The following DHDDS variants were observed in gnomAD, a reference collection of about 807,000 sequenced individuals.
The protein encoded by DHDDS is dehydrodolichyl diphosphate synthase complex subunit DHDDS.
A neutral mutation model predicts 46.2 loss-of-function variants in DHDDS; 16 were observed. The observed-to-expected ratio is 0.35, with a 90% CI of 0.23 to 0.53. DHDDS has a LOEUF of 0.53. Ranked by LOEUF, DHDDS falls within the 20% of genes least tolerant of loss-of-function variation. The pLI, the probability that DHDDS is intolerant of heterozygous loss-of-function variation, is 0.94. For missense variants in DHDDS, 340 were observed against 423.7 expected, an observed-to-expected ratio of 0.80 and a Z score of 1.73; for synonymous variants, 151 against 163.1, an observed-to-expected ratio of 0.93 and a Z score of 0.56.
chr1:26,458,113 C>CT (rs940268969), intron 7 of DHDDS, among the ~76,000 whole-genome samples: 11 of 152,208 alleles, frequency 7.2e-5, no homozygotes, highest in African/African-American at 2.7e-4. Context: ...GCGAATCCAA[C>CT]TATAGTGAAA....
intron 6 of DHDDS, among the ~76,000 whole-genome samples, chr1:26,455,407 C>T (rs190293053): frequency 1.7e-3 from 255 of 152,120 alleles, no homozygotes; most frequent in Non-Finnish European, 2.7e-3. Flanking sequence ...GATGATGATA[C>T]GGAAAAGAAA....
At chr1:26,462,849 C>T (rs565206282) in intron 8 of DHDDS, 1 of 152,324 alleles carries the variant, frequency 6.6e-6, no homozygotes, top group Non-Finnish European at 1.5e-5. Flanking sequence ...GACAAGATCT[C>T]TACCTTTGTG....
chr1:26,447,650 T>C lies in DHDDS; in HGVS notation c.532T>C (p.Leu178=), dbSNP rs1419612896. The change falls in exon 6 of 9, where the codon TTG becomes CTG. Residue 178 remains leucine (L), a synonymous_variant. Coordinates refer to ENST00000236342, the MANE Select transcript of DHDDS (RefSeq NM_205861.3). The part of the protein sequence containing the change: ...EMAWGVEQGL[L]DPSDISESLL... ...GGCCTGGGGGGTGGAGCAAGGCCTGTTGGATCCCAGGTATCCCGAGTTGTT... is the reference window on the plus strand; with the variant it reads ...GGCCTGGGGGGTGGAGCAAGGCCTGCTGGATCCCAGGTATCCCGAGTTGTT... 2 of 1,613,890 alleles carry C rather than the reference T, an allele frequency of 1.2e-6. No homozygotes were observed. Among genetic ancestry groups the C allele is most frequent in the Non-Finnish European group, 1.7e-6 (2 of 1,179,876 alleles).
At chr1:26,456,564 T>G (rs1191374917) in intron 6 of DHDDS, among the ~76,000 whole-genome samples, 1 of 152,104 alleles carries the variant, frequency 6.6e-6, no homozygotes, top group Non-Finnish European at 1.5e-5. Context: ...AGCTAATTTT[T>G]GTACTTTTGG....
intron 4 of DHDDS, among the ~76,000 whole-genome samples, chr1:26,443,465 C>G (rs932308270): frequency 6.6e-6 from 1 of 152,206 alleles, no homozygotes. Context: ...CCATTCTTAG[C>G]TGTCAGTAAG....
rs998074701 is a variant in DHDDS at position 26,470,476 on chromosome 1, C to T, written c.*1345C>T. ...ATTTTACTTTCTGCAAGCTGTTTCC[C>T]TAGCAGCTCCCTCTAGGGGAGAGGT... On this transcript the variant is annotated 3_prime_UTR_variant, in exon 9 of 9. Coordinates refer to ENST00000236342, the MANE Select transcript of DHDDS (RefSeq NM_205861.3). The T allele has an allele frequency of 2.6e-5, 4 of 152,086 alleles. No homozygotes were observed. The highest frequency in any genetic ancestry group is 9.7e-5 in the African/African-American group (4 of 41,390). The allele number at this position is 152,086 out of a possible 1,614,324, so 9.4% of individuals were successfully genotyped here.
At chr1:26,448,711 G>A (rs1019799838) in intron 6 of DHDDS, 7 of 152,224 alleles carry the variant, frequency 4.6e-5, no homozygotes, top group African/African-American at 1.7e-4. Context: ...ATGTGTGAGA[G>A]ATTCAAGGCT....
chr1:26,458,413 G>A (rs1025895290), intron 7 of DHDDS, among the ~76,000 whole-genome samples: 1 of 152,202 alleles, frequency 6.6e-6, no homozygotes, highest in Non-Finnish European at 1.5e-5. Context: ...ACATGATAAA[G>A]CTCCAGAAAT....
intron 6 of DHDDS, among the ~76,000 whole-genome samples, chr1:26,452,999 G>A (rs1003399137): frequency 6.6e-6 from 1 of 152,022 alleles, no homozygotes; most frequent in Non-Finnish European, 1.5e-5. Context: ...GGCTGAGTGA[G>A]GAGGATTACT....
intron 6 of DHDDS, among the ~76,000 whole-genome samples, chr1:26,456,244 C>T (rs2075369057): frequency 6.6e-6 from 1 of 152,092 alleles, no homozygotes; most frequent in African/African-American, 2.4e-5. Flanking sequence ...TGGTGTTGCA[C>T]ACCTGTGGTC....
chr1:26,458,249 G>A (rs1164661807), intron 7 of DHDDS, among the ~76,000 whole-genome samples: 1 of 152,202 alleles, frequency 6.6e-6, no homozygotes, highest in African/African-American at 2.4e-5. Context: ...GCAGTTACTA[G>A]TCCCTCCCCT....
At chr1:26,447,313 T>A (rs916882181) in intron 5 of DHDDS, among the ~76,000 whole-genome samples, 4 of 151,842 alleles carry the variant, frequency 2.6e-5, no homozygotes, top group Non-Finnish European at 5.9e-5. Context: ...AGAGCAAAAC[T>A]CTGTCTCAAA....
At chr1:26,436,862 A>G (rs908633281) in intron 2 of DHDDS, among the ~76,000 whole-genome samples, 3 of 151,964 alleles carry the variant, frequency 2.0e-5, no homozygotes, top group Non-Finnish European at 4.4e-5. Context: ...TTGAATCCCT[A>G]TTTGCCTCTT....
chr1:26,466,794 C>G (rs1317717290), intron 8 of DHDDS, among the ~76,000 whole-genome samples: 1 of 152,190 alleles, frequency 6.6e-6, no homozygotes, highest in Non-Finnish European at 1.5e-5. Flanking sequence ...GAACAGCTAA[C>G]AGTTAATAGC....
intron 2 of DHDDS, among the ~76,000 whole-genome samples, chr1:26,435,154 C>T (rs2075140990): frequency 1.3e-5 from 2 of 151,580 alleles, no homozygotes; most frequent in Non-Finnish European, 1.5e-5. Context: ...GGATTACAGG[C>T]GCTCGCCACC....
chr1:26,458,597 G>C (rs2075392934), intron 7 of DHDDS, among the ~76,000 whole-genome samples: 1 of 152,056 alleles, frequency 6.6e-6, no homozygotes, highest in South Asian at 2.1e-4. Context: ...AATTAGCCTG[G>C]CATGGTGGCA....
At chr1:26,448,738 A>G (rs1557441397) in intron 6 of DHDDS, among the ~76,000 whole-genome samples, 1 of 152,168 alleles carries the variant, frequency 6.6e-6, no homozygotes. Flanking sequence ...CATTGTGTAG[A>G]TGAGAAAACT....
chr1:26,442,933 C>T (rs2075233195), intron 4 of DHDDS, 60 bp downstream of exon 4: 1 of 1,611,862 alleles, frequency 6.2e-7, no homozygotes, highest in Admixed American at 1.7e-5. Flanking sequence ...TATCCTAACC[C>T]TTGAAATTCT....
At chr1:26,437,872 G>A (rs1187586991) in intron 2 of DHDDS, among the ~76,000 whole-genome samples, 3 of 151,920 alleles carry the variant, frequency 2.0e-5, no homozygotes, top group African/African-American at 7.2e-5. Context: ...TGGCTACTCA[G>A]CGGGAGGCAG....
Sources: allele counts gnomAD v4.1 joint callset (sites outside exome capture counted in the v4.1 genomes callset), GRCh38; gene constraint gnomAD v4.1.1; transcripts MANE v1.5; gene names NCBI Gene and HGNC (gene_info 2026-07-23, HGNC 2026-07-21).